The following TASP1 variants were observed in gnomAD, a reference collection of about 807,000 sequenced individuals.
TASP1 encodes the protein taspase 1, also known as threonine aspartase 1.
In TASP1, 16 loss-of-function variants were observed where a neutral mutation model predicts 56.6. The ratio of observed to expected loss-of-function variants is 0.28; its 90% CI spans 0.19 to 0.43. TASP1 has a LOEUF of 0.43. Among genes scored for constraint, TASP1 ranks in the 20% least tolerant of loss-of-function variants. The pLI, the probability that TASP1 is intolerant of heterozygous loss-of-function variation, is 1.00. For missense variants in TASP1, 393 were observed against 511.6 expected (o/e 0.77, Z 2.24); for synonymous variants, 179 against 184.2 (o/e 0.97, Z 0.23).
At chr20:13,202,018 G>A in the TASP1 span, among the ~76,000 whole-genome samples, 4 of 152,140 alleles carry the variant, frequency 2.6e-5, no homozygotes, top group African/African-American at 7.2e-5. Context: ...CTTCCACAGT[G>A]CTGGGATTAC....
At chr20:13,316,604 T>G in the TASP1 span, among the ~76,000 whole-genome samples, 2 of 152,034 alleles carry the variant, frequency 1.3e-5, no homozygotes, top group Non-Finnish European at 2.9e-5. Context: ...CAAGTGGGAT[T>G]TATCCTAGAT....
chr20:13,260,503 G>T, the TASP1 span, among the ~76,000 whole-genome samples: 1 of 152,178 alleles, frequency 6.6e-6, no homozygotes, highest in African/African-American at 2.4e-5. Context: ...TCTAGTCATT[G>T]CAGATAGAAT....
the TASP1 span, chr20:13,270,569 A>G: frequency 1.6e-5 from 26 of 1,613,832 alleles, no homozygotes; most frequent in Non-Finnish European, 3.4e-6. Context: ...AAGAAGCACC[A>G]AGGGAGCATC....
chr20:13,635,449 G>A (rs144842860), intron 1 of TASP1, among the ~76,000 whole-genome samples: 2 of 148,694 alleles, frequency 1.3e-5, no homozygotes, highest in African/African-American at 2.5e-5. Context: ...GTGCAGTGGC[G>A]CAACCTCAAC....
chr20:13,458,974 G>A (rs886138729), intron 11 of TASP1, among the ~76,000 whole-genome samples: 1 of 152,136 alleles, frequency 6.6e-6, no homozygotes, highest in African/African-American at 2.4e-5. Context: ...CCTGAACAAG[G>A]ATAGTGTCTT....
At chr20:13,303,482 A>C in the TASP1 span, among the ~76,000 whole-genome samples, 2 of 152,340 alleles carry the variant, frequency 1.3e-5, no homozygotes, top group South Asian at 4.1e-4. Flanking sequence ...ACCACACATA[A>C]GCCCTGTGCT....
chr20:13,607,503 T>C (rs1253963617), intron 4 of TASP1, among the ~76,000 whole-genome samples: 3 of 152,210 alleles, frequency 2.0e-5, no homozygotes, highest in African/African-American at 7.2e-5. Flanking sequence ...ATGCAAACAA[T>C]TTAGTTTTCA....
At chr20:13,516,180 T>G (rs951722574) in intron 10 of TASP1, among the ~76,000 whole-genome samples, 1 of 152,148 alleles carries the variant, frequency 6.6e-6, no homozygotes, top group Admixed American at 6.6e-5. Flanking sequence ...AGGCACTAGT[T>G]GTATTTAGTG....
chr20:13,503,065 C>A (rs2044003346), intron 10 of TASP1, among the ~76,000 whole-genome samples: 1 of 152,124 alleles, frequency 6.6e-6, no homozygotes, highest in Admixed American at 6.6e-5. Context: ...TTCTTTCTTG[C>A]CCCACCCAGA....
chr20:13,175,196 T>C, the TASP1 span, among the ~76,000 whole-genome samples: 1 of 152,166 alleles, frequency 6.6e-6, no homozygotes, highest in Non-Finnish European at 1.5e-5. Context: ...ACTAGAGAAA[T>C]ACTTAAGAAC....
intron 10 of TASP1, among the ~76,000 whole-genome samples, chr20:13,512,906 G>A (rs1036202796): frequency 6.6e-6 from 1 of 152,098 alleles, no homozygotes; most frequent in Non-Finnish European, 1.5e-5. Context: ...AAGATCAGAT[G>A]GTTGTAGATG....
At chr20:13,601,907 C>T (rs1306339327) in intron 4 of TASP1, among the ~76,000 whole-genome samples, 2 of 128,314 alleles carry the variant, frequency 1.6e-5, no homozygotes, top group African/African-American at 5.8e-5. Flanking sequence ...GACAGAGTCT[C>T]GCTCAGTTGC....
the TASP1 span, among the ~76,000 whole-genome samples, chr20:13,140,379 C>A: frequency 2.0e-5 from 3 of 152,270 alleles, no homozygotes; most frequent in South Asian, 6.2e-4. Context: ...TAAATTTGAA[C>A]AGGCAGCAAA....
the TASP1 span, among the ~76,000 whole-genome samples, chr20:13,237,063 C>T: frequency 6.6e-6 from 1 of 152,324 alleles, no homozygotes; most frequent in African/African-American, 2.4e-5. Context: ...GCTCCGGTCC[C>T]ACATTTCCCT....
chr20:13,560,445 G>A (rs770410832), intron 7 of TASP1, among the ~76,000 whole-genome samples: 2 of 152,146 alleles, frequency 1.3e-5, no homozygotes, highest in African/African-American at 2.4e-5. Context: ...CCCATTAAGA[G>A]TACAGAGTTT....
intron 3 of TASP1, among the ~76,000 whole-genome samples, chr20:13,624,463 A>C (rs531304105): frequency 4.6e-5 from 7 of 152,274 alleles, no homozygotes; most frequent in Admixed American, 3.9e-4. Flanking sequence ...AAAAGCTTGA[A>C]TCTCTGATAA....
chr20:13,528,234 A>AG (rs1366100017), intron 10 of TASP1, among the ~76,000 whole-genome samples, 199 bp downstream of exon 10: 3 of 151,212 alleles, frequency 2.0e-5, no homozygotes, highest in Non-Finnish European at 3.0e-5. Context: ...AAAAAAAAAA[A>AG]AAAAAAAAAA....
chr20:13,596,676 TAAGTTTAGAGCAGAACTG>T (rs1364194974), intron 4 of TASP1, among the ~76,000 whole-genome samples: 1 of 152,028 alleles, frequency 6.6e-6, no homozygotes, highest in African/African-American at 2.4e-5. Flanking sequence ...AAGAAATAAC[TAAGTTTAGAGCAGAACTG>T]AAGGAGACAG....
intron 13 of TASP1, among the ~76,000 whole-genome samples, chr20:13,403,515 T>C (rs1366763809): frequency 6.6e-6 from 1 of 152,184 alleles, no homozygotes; most frequent in Non-Finnish European, 1.5e-5. Context: ...TCATTTTTAT[T>C]ATTCAACTAA....
Sources: allele counts gnomAD v4.1 joint callset (sites outside exome capture counted in the v4.1 genomes callset), GRCh38; gene constraint gnomAD v4.1.1; transcripts MANE v1.5; gene names NCBI Gene and HGNC (gene_info 2026-07-23, HGNC 2026-07-21).